EPHA7: variants seen among roughly 807,000 people sequenced by gnomAD.
EPHA7 encodes EPH receptor A7, also known as ephrin type-A receptor 7.
Under a neutral mutation model 112.6 loss-of-function variants are expected in EPHA7, and 25 were observed. The observed-to-expected ratio is 0.22, with a 90% CI of 0.16 to 0.31. The LOEUF is 0.31. EPHA7 is among the 10% of genes least tolerant of loss of function. EPHA7 has a pLI of 1.00. For missense variants in EPHA7, 962 were observed against 1,212.6 expected, an observed-to-expected ratio of 0.79 and a Z score of 3.07; for synonymous variants, 437 against 406.5, an observed-to-expected ratio of 1.07 and a Z score of -0.90.
chr6:93,260,630 A>AAAGTAACAAAAAGAAGCAAACAAAAAAG, intron 9 of EPHA7: 3 of 975,468 alleles, frequency 3.1e-6, no homozygotes, highest in Non-Finnish European at 3.7e-6. Flanking sequence ...AAGTAAACAC[A>AAAGTAACAAAAAGAAGCAAACAAAAAAG]TAACAAAAAG....
chr6:93,320,509 G>T (rs1334640861), intron 5 of EPHA7, among the ~76,000 whole-genome samples: 1 of 151,834 alleles, frequency 6.6e-6, no homozygotes. Context: ...TACTTCACTT[G>T]GGAGAAAAAC....
intron 5 of EPHA7, among the ~76,000 whole-genome samples, chr6:93,315,636 A>G (rs1249569610): frequency 2.0e-5 from 3 of 152,160 alleles, no homozygotes; most frequent in Admixed American, 1.3e-4. Context: ...TTGTAGATGA[A>G]TAAGTGATTT....
chr6:93,255,893 T>C lies in EPHA7; in HGVS notation c.2317A>G (p.Lys773Glu), dbSNP rs1281423342. The change falls in exon 13 of 17, where the codon AAA (lysine) becomes GAA (glutamate). Residue 773 changes from lysine (K) to glutamate (E), a missense_variant. Physicochemically the swap from Lys to Glu is moderately conservative, Grantham distance 56. This residue lies in a region of EPHA7 where 746 missense variants were observed against 889.2 expected (regional missense o/e 0.84). Coordinates refer to ENST00000369303, the MANE Select transcript of EPHA7 (RefSeq NM_004440.4). ...CGGGACAGGCCAAAATCTGACACTT[T>C]ACAAACGAGATTGCTGTTGACAAGA... ...NILVNSNLVC[K>E]VSDFGLSRVI... The C allele has an allele frequency of 1.9e-6, 3 of 1,613,986 alleles. No homozygotes were observed. The highest frequency in any genetic ancestry group is 2.5e-6 in the Non-Finnish European group (3 of 1,180,022).
At chr6:93,347,481 T>C (rs1775459048) in intron 5 of EPHA7, among the ~76,000 whole-genome samples, 1 of 151,882 alleles carries the variant, frequency 6.6e-6, no homozygotes, top group Non-Finnish European at 1.5e-5. Context: ...CACTGTCATT[T>C]CTTGTCCCAT....
intron 5 of EPHA7, among the ~76,000 whole-genome samples, chr6:93,339,105 CATATA>C (rs1213524547): frequency 6.6e-6 from 1 of 151,258 alleles, no homozygotes; most frequent in Non-Finnish European, 1.5e-5. Flanking sequence ...TTTTTAAAAA[CATATA>C]ATACAAAAAC....
intron 5 of EPHA7, among the ~76,000 whole-genome samples, chr6:93,332,747 T>C (rs1053110778): frequency 6.6e-6 from 1 of 151,718 alleles, no homozygotes; most frequent in South Asian, 2.1e-4. Context: ...TAAACTGATA[T>C]GATCAACATC....
In EPHA7 at chr6:93,264,672, A is replaced by G. The variant is rs1164650086; in HGVS notation, c.1664T>C (p.Val555Ala). ...TACAGCAACCACAGCAATGATAATA[A>G]CAGGATTCTGTTCACTGGAGACAGC... is the stretch of plus-strand genomic sequence containing the variant. ...ATAVSSEQNP[V>A]IIIAVVAVAG... is the part of the protein sequence containing the mutation. The change falls in exon 8 of 17, where the codon GTT (valine) becomes GCT (alanine). Residue 555 changes from valine to alanine, a missense_variant. Val to Ala is a moderately conservative substitution (Grantham distance 64, BLOSUM62 0). Transcript: ENST00000369303. 3 of 1,606,426 alleles carry G rather than the reference A, an allele frequency of 1.9e-6. No homozygotes were observed. The highest frequency in any genetic ancestry group is 2.7e-5 in the African/African-American group (2 of 74,404).
chr6:93,291,767 CAA>C lies in EPHA7; in HGVS notation c.1325-19347_1325-19346del, dbSNP rs66483422. On this transcript the variant is annotated intron_variant, in intron 5 of 16. Coordinates refer to ENST00000369303, the MANE Select transcript of EPHA7 (RefSeq NM_004440.4). ...TGGGCGACAGAGCGAGACTCCGTCT[CAA>C]AAAAAAAAAAAAAAAAAATACTTTT... 1.4e-3 allele frequency among the ~76,000 whole-genome samples: 98 copies of C among 71,670 alleles called. No homozygotes were observed. In the South Asian group the frequency reaches 0.019, roughly 14 times the overall value. The allele number at this position is 71,670 out of a possible 152,430, so 47.0% of individuals were successfully genotyped here.
chr6:93,253,668 G>A (rs938155460), intron 14 of EPHA7, among the ~76,000 whole-genome samples: 8 of 151,956 alleles, frequency 5.3e-5, no homozygotes, highest in Non-Finnish European at 1.0e-4. Flanking sequence ...TTATAGAAAA[G>A]TGAGTCCATT....
At chr6:93,250,053 T>C (rs73755355) in intron 14 of EPHA7, among the ~76,000 whole-genome samples, 15,890 of 152,188 alleles carry the variant, frequency 0.1, 1,098 homozygotes, top group Non-Finnish European at 0.15. Flanking sequence ...TATTCAAAGA[T>C]ATAATGTTTT....
chr6:93,246,763 C>G (rs1769971996), intron 15 of EPHA7, 29 bp downstream of exon 15: 1 of 1,556,816 alleles, frequency 6.4e-7, no homozygotes, highest in Admixed American at 1.7e-5. Flanking sequence ...TAATTTCTCC[C>G]AGATTCCATT....
intron 12 of EPHA7, among the ~76,000 whole-genome samples, chr6:93,257,036 T>C (rs1204602633): frequency 6.6e-6 from 1 of 152,150 alleles, no homozygotes; most frequent in Non-Finnish European, 1.5e-5. Context: ...TCATACATTT[T>C]ATGCTTGGTG....
chr6:93,350,582 T>C (rs1775640398), intron 5 of EPHA7, among the ~76,000 whole-genome samples: 2 of 152,016 alleles, frequency 1.3e-5, no homozygotes, highest in African/African-American at 2.4e-5. Flanking sequence ...CACAACAAAA[T>C]TGATGATGGG....
In EPHA7 at chr6:93,358,405, C is replaced by A; in HGVS notation, c.839G>T (p.Gly280Val). The change falls in exon 4 of 17, where the codon GGC (glycine) becomes GTC (valine). Residue 280 changes from glycine (G) to valine (V), a missense_variant. This residue lies in a region of EPHA7 where 746 missense variants were observed against 889.2 expected (regional missense o/e 0.84). Coordinates refer to ENST00000369303, the MANE Select transcript of EPHA7 (RefSeq NM_004440.4). ...AGAGGAAGACTTGTAGAACCCACGG[C>A]CACAGGCTGGGAATGCAAAAGAAAG... is the stretch of plus-strand genomic sequence containing the variant. ...QQKGDTCEPC[G>V]RGFYKSSSQD... 2 of 1,604,676 alleles carry A rather than the reference C, an allele frequency of 1.2e-6. No homozygotes were observed. The highest frequency in any genetic ancestry group is 2.2e-5 in the East Asian group (1 of 44,496).
chr6:93,243,592 G>T, intron 16 of EPHA7, 52 bp from the exon 17 acceptor site: 1 of 1,221,120 alleles, frequency 8.2e-7, no homozygotes, highest in Non-Finnish European at 1.2e-6. Context: ...GAATAAATGT[G>T]GCACTAAACT....
At chr6:93,351,855 T>C (rs1019369924) in intron 5 of EPHA7, among the ~76,000 whole-genome samples, 3 of 152,102 alleles carry the variant, frequency 2.0e-5, no homozygotes, top group African/African-American at 7.2e-5. Context: ...CACACCTTTT[T>C]ATTCTAATAA....
intron 5 of EPHA7, among the ~76,000 whole-genome samples, chr6:93,355,942 A>C (rs1775921307): frequency 6.6e-6 from 1 of 152,202 alleles, no homozygotes. Context: ...TCCCTCATGC[A>C]TATTAAAATG....
intron 5 of EPHA7, among the ~76,000 whole-genome samples, chr6:93,280,843 G>A (rs1030533282): frequency 1.3e-5 from 2 of 152,056 alleles, no homozygotes; most frequent in Non-Finnish European, 2.9e-5. Flanking sequence ...ATTCTATTAT[G>A]ACTTTGTTTG....
At chr6:93,247,742 CTA>C (rs1318951721) in intron 14 of EPHA7, among the ~76,000 whole-genome samples, 1 of 152,042 alleles carries the variant, frequency 6.6e-6, no homozygotes, top group Non-Finnish European at 1.5e-5. Flanking sequence ...AATATTATAT[CTA>C]ATAGCCTAAT....
Sources: gnomAD v4.1 joint callset for allele counts (sites outside exome capture counted in the v4.1 genomes callset) on GRCh38, gnomAD v4.1.1 for gene constraint, gnomAD v4.1.1 regional missense constraint, MANE v1.5 for transcripts, NCBI Gene and HGNC (gene_info 2026-07-23, HGNC 2026-07-21) for gene names.